ZNF248: variants seen among roughly 807,000 people sequenced by gnomAD.
The protein encoded by ZNF248 is zinc finger protein 248, also known as KRAB protein domain.
Under a neutral mutation model 44.3 loss-of-function variants are expected in ZNF248, and 20 were observed. The observed-to-expected ratio is 0.45, with a 90% CI of 0.32 to 0.66. The LOEUF is 0.66. Among genes scored for constraint, ZNF248 ranks in the 30% least tolerant of loss-of-function variants. ZNF248 has a pLI of 0.04. For missense variants in ZNF248, 654 were observed against 677.0 expected, an observed-to-expected ratio of 0.97 and a Z score of 0.38; for synonymous variants, 224 against 229.0, an observed-to-expected ratio of 0.98 and a Z score of 0.20.
rs1383020297 is a variant in ZNF248 at position 37,796,449 on chromosome 10, C to T, written c.331-19874G>A. 2.6e-5 allele frequency among the ~76,000 whole-genome samples: 4 copies of T among 151,934 alleles called. No individual in the cohort carries two copies. In the East Asian group the frequency reaches 7.8e-4, roughly 29 times the overall value. On this transcript the variant is annotated intron_variant, in intron 6 of 6. Transcript: ENST00000615949. ...GGCCATGTTGGTCTCCAACTCCTGT[C>T]CTCAAGTGATCCACCCACCTCAGCC... is the stretch of plus-strand genomic sequence containing the variant.
chr10:37,784,314 T>C (rs1052062920), intron 6 of ZNF248, among the ~76,000 whole-genome samples: 4 of 152,220 alleles, frequency 2.6e-5, no homozygotes, highest in Non-Finnish European at 5.9e-5. Flanking sequence ...TATACAGATA[T>C]GTCCTGCGGT....
chr10:37,857,770 G>A (rs1419550845), upstream of ZNF248: 2 of 152,424 alleles, frequency 1.3e-5, no homozygotes, highest in African/African-American at 4.8e-5. Context: ...CCTACCCCGT[G>A]CTACAGGACT....
At chr10:37,844,019 TA>T (rs1433396936) in intron 3 of ZNF248, among the ~76,000 whole-genome samples, 2 of 152,038 alleles carry the variant, frequency 1.3e-5, no homozygotes, top group Non-Finnish European at 2.9e-5. Context: ...AAATAAGGGC[TA>T]AAAACTGCCC....
the ZNF248 span, among the ~76,000 whole-genome samples, chr10:37,768,996 C>T: frequency 6.6e-6 from 1 of 152,178 alleles, no homozygotes; most frequent in African/African-American, 2.4e-5. Context: ...ACAAACACCT[C>T]TATACAAATA....
chr10:37,769,872 C>A, the ZNF248 span, among the ~76,000 whole-genome samples: 1 of 152,152 alleles, frequency 6.6e-6, no homozygotes, highest in African/African-American at 2.4e-5. Context: ...ATCTAGAAAA[C>A]CCCATTGTCT....
intron 3 of ZNF248, among the ~76,000 whole-genome samples, chr10:37,846,321 A>G (rs2059309473): frequency 6.6e-6 from 1 of 152,158 alleles, no homozygotes; most frequent in African/African-American, 2.4e-5. Context: ...ACAATAATCA[A>G]TGACTTTCAA....
intron 6 of ZNF248, among the ~76,000 whole-genome samples, chr10:37,798,767 AC>A (rs1390971512): frequency 2.0e-5 from 3 of 152,196 alleles, no homozygotes; most frequent in Non-Finnish European, 4.4e-5. Flanking sequence ...ACATGTAAAA[AC>A]TTTGTTCCCT....
intron 6 of ZNF248, among the ~76,000 whole-genome samples, chr10:37,823,345 A>G (rs2053800787): frequency 6.7e-6 from 1 of 148,694 alleles, no homozygotes; most frequent in South Asian, 2.1e-4. Context: ...AAAAAAAAAA[A>G]AAAAAAAAAA....
At chr10:37,790,939 G>A (rs1173962860) in intron 6 of ZNF248, among the ~76,000 whole-genome samples, 1 of 140,716 alleles carries the variant, frequency 7.1e-6, no homozygotes, top group Non-Finnish European at 1.5e-5. Flanking sequence ...AAAAAAAAAA[G>A]TGTACTAGAA....
chr10:37,850,744 T>C (rs2060086842), intron 3 of ZNF248, among the ~76,000 whole-genome samples: 2 of 152,272 alleles, frequency 1.3e-5, no homozygotes, highest in South Asian at 2.1e-4. Flanking sequence ...CTGCAAGCAA[T>C]TGTACATCCA....
chr10:37,825,062 C>T (rs186777895), downstream of ZNF248, among the ~76,000 whole-genome samples: 1 of 152,000 alleles, frequency 6.6e-6, no homozygotes, highest in Non-Finnish European at 1.5e-5. Context: ...TAAAGTATAT[C>T]TCCCAGAAAT....
intron 6 of ZNF248, among the ~76,000 whole-genome samples, chr10:37,810,145 C>G (rs889740825): frequency 1.3e-5 from 2 of 152,136 alleles, no homozygotes; most frequent in Non-Finnish European, 2.9e-5. Flanking sequence ...TAACCTTAAC[C>G]TTGATTGAAC....
chr10:37,811,262 A>C (rs1167633258), intron 6 of ZNF248, among the ~76,000 whole-genome samples: 2 of 152,220 alleles, frequency 1.3e-5, no homozygotes. Context: ...TGAAGCTGTC[A>C]CTGCAGCTGT....
At chr10:37,792,121 C>T (rs879688732) in intron 6 of ZNF248, among the ~76,000 whole-genome samples, 3 of 152,076 alleles carry the variant, frequency 2.0e-5, no homozygotes, top group Non-Finnish European at 4.4e-5. Flanking sequence ...GAGAAACTGC[C>T]TCCCACAAGA....
chr10:37,847,136 A>G (rs1378121722), intron 3 of ZNF248, among the ~76,000 whole-genome samples: 1 of 152,138 alleles, frequency 6.6e-6, no homozygotes, highest in Non-Finnish European at 1.5e-5. Flanking sequence ...CCTGGGATCA[A>G]CTGATCCTCC....
chr10:37,843,895 G>A (rs1185358602), intron 3 of ZNF248, among the ~76,000 whole-genome samples: 2 of 152,046 alleles, frequency 1.3e-5, no homozygotes, highest in East Asian at 1.9e-4. Context: ...ATAAAGAAAT[G>A]TGAATAGAGC....
At chr10:37,773,988 T>TACAC (rs139568981), downstream of ZNF248, among the ~76,000 whole-genome samples, 3,271 of 149,220 alleles carry the variant, frequency 0.022, 117 homozygotes, top group East Asian at 0.13. Flanking sequence ...TGAAAATGAA[T>TACAC]ACACACACAC....
the ZNF248 span, among the ~76,000 whole-genome samples, chr10:37,761,508 A>T: frequency 1.3e-5 from 2 of 152,248 alleles, no homozygotes; most frequent in Admixed American, 1.3e-4. Flanking sequence ...CTTAGTAAAC[A>T]TATTTTAAAT....
intron 6 of ZNF248, chr10:37,821,108 TG>T: frequency 1.8e-6 from 1 of 547,940 alleles, no homozygotes. Flanking sequence ...GCTGCCATTG[TG>T]GAAGTCATGG....
Sources: gnomAD v4.1 joint callset for allele counts (sites outside exome capture counted in the v4.1 genomes callset) on GRCh38, gnomAD v4.1.1 for gene constraint, MANE v1.5 for transcripts, NCBI Gene and HGNC (gene_info 2026-07-23, HGNC 2026-07-21) for gene names.